ATG7: variants seen among roughly 807,000 people sequenced by gnomAD.
ATG7 encodes the protein autophagy related 7.
In ATG7, 70 loss-of-function variants were observed where a neutral mutation model predicts 82.4. That is an observed-to-expected ratio of 0.85 (90% confidence interval 0.70 to 1.04). The LOEUF (loss-of-function observed/expected upper bound fraction) is 1.04, where lower values mean the gene tolerates loss of function less well. Among genes scored for constraint, ATG7 ranks in the 50% least tolerant of loss-of-function variants. The pLI, the probability that ATG7 is intolerant of heterozygous loss-of-function variation, is 0.00. For missense variants in ATG7, 792 were observed against 864.3 expected (o/e 0.92, Z 1.05); for synonymous variants, 287 against 313.0 (o/e 0.92, Z 0.88).
At chr3:11,549,746 G>T (rs186050543) in intron 20 of ATG7, among the ~76,000 whole-genome samples, 1 of 152,314 alleles carries the variant, frequency 6.6e-6, no homozygotes, top group Non-Finnish European at 1.5e-5. Context: ...TTTCTTTGGA[G>T]TAAACAGGAG....
At chr3:11,365,218 A>C (rs7643980) in intron 18 of ATG7, among the ~76,000 whole-genome samples, 8,698 of 152,280 alleles carry the variant, frequency 0.057, 764 homozygotes, top group African/African-American at 0.19. Flanking sequence ...GGCCCTCAAC[A>C]AACAATGCCT....
chr3:11,437,567 A>C (rs1168980612), intron 20 of ATG7, among the ~76,000 whole-genome samples: 1 of 152,232 alleles, frequency 6.6e-6, no homozygotes, highest in Non-Finnish European at 1.5e-5. Flanking sequence ...TGTTTACCAC[A>C]GGATTTTTCC....
chr3:11,465,024 A>G (rs530364003), intron 20 of ATG7, among the ~76,000 whole-genome samples: 40 of 149,110 alleles, frequency 2.7e-4, no homozygotes, highest in East Asian at 8.0e-4. Flanking sequence ...AAAGATGTAG[A>G]GAGAAGTCAT....
intron 16 of ATG7, among the ~76,000 whole-genome samples, chr3:11,361,910 C>G (rs1403211586): frequency 3.3e-5 from 5 of 152,106 alleles, no homozygotes; most frequent in African/African-American, 1.2e-4. Context: ...TTTCTGTAAC[C>G]TCCCCTCTAT....
At chr3:11,434,533 C>T (rs1442460127) in intron 20 of ATG7, among the ~76,000 whole-genome samples, 3 of 152,186 alleles carry the variant, frequency 2.0e-5, no homozygotes, top group Admixed American at 6.5e-5. Flanking sequence ...AAGGCAGAAA[C>T]AGGCAGAAAG....
At chr3:11,498,842 C>T (rs1170559003) in intron 20 of ATG7, among the ~76,000 whole-genome samples, 1 of 152,230 alleles carries the variant, frequency 6.6e-6, no homozygotes, top group East Asian at 1.9e-4. Flanking sequence ...TCTCTCTGAA[C>T]TCCTGAAATG....
chr3:11,451,947 T>C (rs2085222842), intron 20 of ATG7, among the ~76,000 whole-genome samples: 1 of 118,268 alleles, frequency 8.5e-6, no homozygotes, highest in Admixed American at 9.7e-5. Flanking sequence ...TGAGATTCTA[T>C]TTTTGTGAAG....
At chr3:11,562,570 G>C (rs1232183424), downstream of ATG7, among the ~76,000 whole-genome samples, 3 of 152,244 alleles carry the variant, frequency 2.0e-5, no homozygotes, top group African/African-American at 7.2e-5. Context: ...GGAGCTGCTG[G>C]AGCACAGGCA....
intron 19 of ATG7, among the ~76,000 whole-genome samples, chr3:11,381,860 T>G (rs1285301383): frequency 6.6e-6 from 1 of 152,240 alleles, no homozygotes; most frequent in Non-Finnish European, 1.5e-5. Flanking sequence ...ATTTACTTAC[T>G]TGGCTACCTT....
chr3:11,550,143 A>G (rs2071641340), intron 20 of ATG7, among the ~76,000 whole-genome samples: 1 of 151,936 alleles, frequency 6.6e-6, no homozygotes, highest in Non-Finnish European at 1.5e-5. Context: ...ATTTTCTCCT[A>G]GTCTGCAACT....
chr3:11,389,815 G>A (rs927096226), intron 19 of ATG7, among the ~76,000 whole-genome samples: 2 of 152,198 alleles, frequency 1.3e-5, no homozygotes, highest in Non-Finnish European at 2.9e-5. Flanking sequence ...GGCAGCTAAG[G>A]TGTCTTTGTA....
In ATG7 at chr3:11,480,086, C is replaced by T. The variant is rs562984683; in HGVS notation, c.2079+53160C>T. Among the ~76,000 whole-genome samples the T allele has an allele frequency of 1.1e-4, 16 of 152,242 alleles. No homozygotes were observed. In the East Asian group the frequency reaches 2.7e-3, roughly 26 times the overall value. On this transcript the variant is annotated intron_variant, in intron 20 of 20. Coordinates refer to ENST00000693202, the MANE Select transcript of ATG7 (RefSeq NM_001349232.2). ...GGGACTACAGGTGCCCGCCACCATG[C>T]TCAGCTAATTTTTTTTTTGTATTTT...
chr3:11,531,711 A>C (rs1244863896), intron 20 of ATG7, among the ~76,000 whole-genome samples: 2 of 152,028 alleles, frequency 1.3e-5, no homozygotes, highest in East Asian at 3.9e-4. Context: ...GTCTTTGCAA[A>C]AAATTAGCCA....
chr3:11,534,479 C>T (rs763401188), intron 20 of ATG7, among the ~76,000 whole-genome samples: 1 of 152,224 alleles, frequency 6.6e-6, no homozygotes, highest in Non-Finnish European at 1.5e-5. Context: ...TAGACATGCT[C>T]ATGGAGGAGA....
At position 11,295,791 on chromosome 3, in the gene ATG7, T is replaced by TC. The variant is rs200451856; in HGVS notation, c.-10-2895_-10-2894insC. ...TCTTTCTTTTCTTTCTTTCTTTCTT[T>TC]TTTTTTTTTTTTGAGATGGAGTTTC... On this transcript the variant is annotated intron_variant, in intron 3 of 20. Coordinates refer to ENST00000693202, the MANE Select transcript of ATG7 (RefSeq NM_001349232.2). Among the ~76,000 whole-genome samples the TC allele has an allele frequency of 2.8e-4, 40 of 144,472 alleles. No individual in the cohort carries two copies. The South Asian group carries it at 2.8e-3, about 10-fold the overall frequency. 94.8% of individuals were successfully genotyped at this position (144,472 alleles called of 152,430 possible).
the ATG7 span, among the ~76,000 whole-genome samples, chr3:11,574,935 C>T: frequency 0.019 from 2,939 of 152,076 alleles, 43 homozygotes; most frequent in East Asian, 0.033. Context: ...AGGGAAGAAG[C>T]TTGTCGGCCG....
the ATG7 span, chr3:11,568,877 C>A: frequency 1.5e-6 from 2 of 1,346,438 alleles, no homozygotes; most frequent in South Asian, 1.6e-5. The surrounding 1 kb of genome is among the most constrained non-coding windows in gnomAD (Gnocchi z 5.9). Flanking sequence ...TGAGGCTGCA[C>A]GGCACCCGGC....
intron 20 of ATG7, among the ~76,000 whole-genome samples, chr3:11,430,075 T>G (rs565194867): frequency 1.3e-5 from 2 of 152,072 alleles, no homozygotes; most frequent in Non-Finnish European, 2.9e-5. Context: ...ATTCTTTAGG[T>G]TATATTCTTT....
chr3:11,305,110 A>C (rs1344200133), intron 5 of ATG7, among the ~76,000 whole-genome samples: 3 of 152,196 alleles, frequency 2.0e-5, no homozygotes, highest in African/African-American at 7.2e-5. Flanking sequence ...TAGGAAACTA[A>C]ACTAGGAAGT....
Sources: gnomAD v4.1 joint callset for allele counts (sites outside exome capture counted in the v4.1 genomes callset) on GRCh38, gnomAD v4.1.1 for gene constraint, Gnocchi (gnomAD v3.1) non-coding constraint, MANE v1.5 for transcripts, NCBI Gene and HGNC (gene_info 2026-07-23, HGNC 2026-07-21) for gene names.